AOAH: variants seen among roughly 807,000 people sequenced by gnomAD.
AOAH encodes acyloxyacyl hydrolase (neutrophil).
AOAH carries 64 observed loss-of-function variants against 92.2 expected under a neutral mutation model. The observed-to-expected ratio is 0.69, with a 90% CI of 0.57 to 0.86. The LOEUF (loss-of-function observed/expected upper bound fraction) is 0.86. AOAH is among the 40% of genes least tolerant of loss of function. The pLI, the probability that AOAH is intolerant of heterozygous loss-of-function variation, is 0.00. For missense variants in AOAH, 656 were observed against 694.6 expected (o/e 0.94, Z 0.62); for synonymous variants, 263 against 254.5 (o/e 1.03, Z -0.32).
At chr7:36,528,501 C>A (rs1489963729) in intron 19 of AOAH, among the ~76,000 whole-genome samples, 1 of 152,200 alleles carries the variant, frequency 6.6e-6, no homozygotes, top group Non-Finnish European at 1.5e-5. Context: ...ATGTTCCCAG[C>A]ACCTTCATAG....
intron 4 of AOAH, among the ~76,000 whole-genome samples, chr7:36,656,757 G>T (rs1445955647): frequency 6.7e-6 from 1 of 150,136 alleles, no homozygotes; most frequent in African/African-American, 2.5e-5. Flanking sequence ...TGTAATTGGG[G>T]TTTGCTTTAT....
At chr7:36,681,877 C>CT (rs1333115498) in intron 2 of AOAH, among the ~76,000 whole-genome samples, 3 of 152,138 alleles carry the variant, frequency 2.0e-5, no homozygotes, top group Non-Finnish European at 4.4e-5. Flanking sequence ...TACCACAAAG[C>CT]TAGGTATATC....
intron 1 of AOAH, among the ~76,000 whole-genome samples, chr7:36,705,023 C>A (rs1430019951): frequency 2.6e-5 from 4 of 152,036 alleles, no homozygotes; most frequent in African/African-American, 9.7e-5. Flanking sequence ...TATGACAAAC[C>A]CACAGCCAAT....
intron 4 of AOAH, among the ~76,000 whole-genome samples, chr7:36,646,592 G>A (rs752678389): frequency 3.3e-5 from 5 of 152,138 alleles, no homozygotes; most frequent in Non-Finnish European, 7.3e-5. Flanking sequence ...ACTAATGACC[G>A]TAAACGTAGT....
chr7:36,705,409 A>C (rs1001886585), intron 1 of AOAH, among the ~76,000 whole-genome samples: 9 of 152,212 alleles, frequency 5.9e-5, no homozygotes, highest in African/African-American at 2.2e-4. Context: ...TAAAATACCT[A>C]GGAATACAAC....
intron 13 of AOAH, among the ~76,000 whole-genome samples, chr7:36,552,949 A>G (rs1481512852): frequency 6.7e-6 from 1 of 150,260 alleles, no homozygotes; most frequent in Non-Finnish European, 1.5e-5. Flanking sequence ...TATATGCACC[A>G]CATTTTCTTT....
chr7:36,516,038 G>A lies in AOAH; in HGVS notation c.1600-2658C>T, dbSNP rs1209206222. 1.7e-5 allele frequency among the ~76,000 whole-genome samples: 2 copies of A among 114,448 alleles called. No individual in the cohort carries two copies. The highest frequency in any genetic ancestry group is 3.0e-4 in the East Asian group (1 of 3,306). 75.1% of individuals were successfully genotyped at this position (114,448 alleles called of 152,430 possible). ...ACAACCCCACACAACACATAAATAC[G>A]TCACACACACACACACCACACACTA... is the stretch of plus-strand genomic sequence containing the variant. On this transcript the variant is annotated intron_variant, in intron 20 of 20. Coordinates refer to ENST00000617537, the MANE Select transcript of AOAH (RefSeq NM_001637.4). The surrounding 1 kb of genome is among the most constrained non-coding windows in gnomAD (Gnocchi z 5.0).
At chr7:36,723,934 A>C (rs1799809485) in intron 1 of AOAH, 88 bp downstream of exon 1, 1 of 1,424,666 alleles carries the variant, frequency 7.0e-7, no homozygotes, top group South Asian at 1.3e-5. Context: ...TTCTTGATTT[A>C]ATAAAATATG....
At position 36,614,656 on chromosome 7, in the gene AOAH, C is replaced by T. The variant is rs1286566573; in HGVS notation, c.846+1724G>A. ...ATTAAATGGTGTCAATGGGGGAGGC[C>T]TGTGTTCCAATGTTAACCTTTGGTC... On this transcript the variant is annotated intron_variant, in intron 11 of 20. Transcript: ENST00000617537. The surrounding 1 kb of genome is among the most constrained non-coding windows in gnomAD (Gnocchi z 4.2). Among the ~76,000 whole-genome samples, 1 of 152,112 alleles carries T rather than the reference C, an allele frequency of 6.6e-6. No individual in the cohort carries two copies. Among genetic ancestry groups the T allele is most frequent in the Non-Finnish European group, 1.5e-5 (1 of 68,028 alleles).
chr7:36,638,372 C>CTGAT (rs1793668436), intron 4 of AOAH, among the ~76,000 whole-genome samples: 1 of 152,228 alleles, frequency 6.6e-6, no homozygotes, highest in South Asian at 2.1e-4. Context: ...TGAAGAATGG[C>CTGAT]TGATTGTTGC....
At chr7:36,631,349 TCA>T (rs1562640127) in intron 6 of AOAH, among the ~76,000 whole-genome samples, 2 of 116,506 alleles carry the variant, frequency 1.7e-5, no homozygotes, top group African/African-American at 6.4e-5. Flanking sequence ...CTCCATCATC[TCA>T]AAAAAAAAAA....
intron 3 of AOAH, among the ~76,000 whole-genome samples, chr7:36,671,002 T>C (rs2116632886): frequency 6.6e-6 from 1 of 152,312 alleles, no homozygotes; most frequent in Admixed American, 6.5e-5. Context: ...TGTTGGGAGC[T>C]GCTCTCTGGC....
chr7:36,681,629 A>T (rs1796649565), intron 2 of AOAH, among the ~76,000 whole-genome samples: 1 of 152,094 alleles, frequency 6.6e-6, no homozygotes. Context: ...ACATGGTGAA[A>T]CCCCGTGTCT....
intron 20 of AOAH, among the ~76,000 whole-genome samples, chr7:36,521,657 A>G (rs1161206280): frequency 6.8e-6 from 1 of 146,886 alleles, no homozygotes; most frequent in Non-Finnish European, 1.5e-5. Context: ...AATCCTCGTC[A>G]TTTTCCTCCT....
chr7:36,590,779 T>G (rs559583866), intron 12 of AOAH, among the ~76,000 whole-genome samples: 18 of 152,366 alleles, frequency 1.2e-4, no homozygotes, highest in African/African-American at 4.3e-4. Context: ...CCATGGGAGC[T>G]GTATACACCT....
At chr7:36,542,270 A>AT (rs1785472837) in intron 15 of AOAH, among the ~76,000 whole-genome samples, 1 of 152,120 alleles carries the variant, frequency 6.6e-6, no homozygotes, top group Non-Finnish European at 1.5e-5. Context: ...AAAAGGAAGG[A>AT]TTTTTCCCTG....
intron 2 of AOAH, among the ~76,000 whole-genome samples, chr7:36,676,983 G>A (rs974129270): frequency 2.0e-5 from 3 of 151,938 alleles, no homozygotes; most frequent in Non-Finnish European, 2.9e-5. Flanking sequence ...ATTCATACAA[G>A]GAAACACTGG....
At chr7:36,670,981 C>T (rs1176239782) in intron 3 of AOAH, among the ~76,000 whole-genome samples, 1 of 152,156 alleles carries the variant, frequency 6.6e-6, no homozygotes, top group African/African-American at 2.4e-5. Flanking sequence ...CGGTAACTCC[C>T]AGCACACTGC....
At chr7:36,570,776 C>T (rs769522803) in intron 13 of AOAH, among the ~76,000 whole-genome samples, 1 of 152,112 alleles carries the variant, frequency 6.6e-6, no homozygotes, top group Non-Finnish European at 1.5e-5. Context: ...TTGCCCACCA[C>T]GGTGGTTTTT....
Sources: allele counts gnomAD v4.1 joint callset (sites outside exome capture counted in the v4.1 genomes callset), GRCh38; gene constraint gnomAD v4.1.1; non-coding constraint Gnocchi (gnomAD v3.1); transcripts MANE v1.5; gene names NCBI Gene and HGNC (gene_info 2026-07-23, HGNC 2026-07-21).